Variants in GPC5 observed in about 807,000 individuals in gnomAD.
GPC5 encodes the protein glypican 5, also known as glypican-5.
In GPC5, 47 loss-of-function variants were observed where a neutral mutation model predicts 53.9. The observed-to-expected ratio is 0.87, with a 90% confidence interval of 0.69 to 1.11. The LOEUF (loss-of-function observed/expected upper bound fraction) is 1.11. GPC5 is among the 50% of genes most tolerant of loss of function. GPC5 has a pLI of 0.00. For missense variants in GPC5, 748 were observed against 713.1 expected, an observed-to-expected ratio of 1.05 and a Z score of -0.56; for synonymous variants, 286 against 263.3, an observed-to-expected ratio of 1.09 and a Z score of -0.84.
At chr13:92,303,647 A>C (rs1216543659) in intron 7 of GPC5, among the ~76,000 whole-genome samples, 1 of 152,216 alleles carries the variant, frequency 6.6e-6, no homozygotes, top group Non-Finnish European at 1.5e-5. Flanking sequence ...CTGACCAAGC[A>C]GCATTGCCCA....
intron 5 of GPC5, among the ~76,000 whole-genome samples, chr13:91,775,621 A>G (rs547627791): frequency 4.6e-5 from 7 of 152,272 alleles, no homozygotes; most frequent in Admixed American, 2.0e-4. Flanking sequence ...TTTCAGTTGG[A>G]GTTTTCTCTT....
At chr13:91,891,457 T>C (rs1201523871) in intron 5 of GPC5, among the ~76,000 whole-genome samples, 1 of 152,178 alleles carries the variant, frequency 6.6e-6, no homozygotes, top group East Asian at 1.9e-4. Context: ...TTTTCGATTG[T>C]ATCCTTCTAT....
intron 7 of GPC5, among the ~76,000 whole-genome samples, chr13:92,752,364 C>T (rs1357402805): frequency 6.6e-6 from 1 of 152,028 alleles, no homozygotes; most frequent in Non-Finnish European, 1.5e-5. Flanking sequence ...GTAAAATTAG[C>T]CTAATTTCTG....
intron 6 of GPC5, among the ~76,000 whole-genome samples, chr13:92,023,043 CTTACT>C (rs1305823506): frequency 6.6e-6 from 1 of 152,034 alleles, no homozygotes; most frequent in Non-Finnish European, 1.5e-5. Context: ...CTCTGTTTCA[CTTACT>C]TTAAACTCTC....
chr13:92,750,991 T>A (rs568394311), intron 7 of GPC5, among the ~76,000 whole-genome samples: 49 of 152,278 alleles, frequency 3.2e-4, no homozygotes, highest in Non-Finnish European at 6.5e-4. Context: ...GATTTTTATT[T>A]TCATCCATTG....
At chr13:92,731,824 A>G (rs1300239603) in intron 7 of GPC5, among the ~76,000 whole-genome samples, 1 of 151,550 alleles carries the variant, frequency 6.6e-6, no homozygotes, top group East Asian at 1.9e-4. Flanking sequence ...ACAGATTATT[A>G]ATATAAATGG....
intron 7 of GPC5, among the ~76,000 whole-genome samples, chr13:92,290,450 C>T (rs1167636977): frequency 6.6e-6 from 1 of 152,164 alleles, no homozygotes; most frequent in Non-Finnish European, 1.5e-5. Flanking sequence ...ACACTATGCA[C>T]TGCACCCTAT....
At chr13:91,991,730 G>A (rs548721108) in intron 6 of GPC5, among the ~76,000 whole-genome samples, 2 of 152,176 alleles carry the variant, frequency 1.3e-5, no homozygotes, top group East Asian at 3.9e-4. Flanking sequence ...AAATGAGCTG[G>A]ATAAAATGTT....
chr13:91,671,548 A>C (rs539943630), intron 2 of GPC5, among the ~76,000 whole-genome samples: 56 of 152,120 alleles, frequency 3.7e-4, no homozygotes, highest in African/African-American at 1.3e-3. Context: ...TTCAAGGAGA[A>C]CTACAAACCA....
chr13:92,371,820 G>C (rs576474171), intron 7 of GPC5, among the ~76,000 whole-genome samples: 12 of 152,254 alleles, frequency 7.9e-5, no homozygotes, highest in African/African-American at 2.9e-4. Context: ...ATGAGGTTTG[G>C]GTGGGGACAA....
intron 7 of GPC5, among the ~76,000 whole-genome samples, chr13:92,624,351 T>G (rs1884979876): frequency 6.6e-6 from 1 of 152,200 alleles, no homozygotes; most frequent in Admixed American, 6.5e-5. Flanking sequence ...ATTACAGGCA[T>G]GAGCCACTGC....
chr13:91,721,109 CT>C (rs1566636501), intron 3 of GPC5, among the ~76,000 whole-genome samples: 2 of 112,784 alleles, frequency 1.8e-5, no homozygotes, highest in African/African-American at 6.9e-5. Flanking sequence ...TTCTTTCTTT[CT>C]TTCTTTCTTT....
chr13:92,052,794 G>C (rs1292681213), intron 6 of GPC5, among the ~76,000 whole-genome samples: 1 of 152,176 alleles, frequency 6.6e-6, no homozygotes, highest in Non-Finnish European at 1.5e-5. Flanking sequence ...TATACAGCAA[G>C]AGATTCTCAG....
intron 2 of GPC5, among the ~76,000 whole-genome samples, chr13:91,550,952 T>C (rs557815663): frequency 1.2e-4 from 19 of 152,268 alleles, no homozygotes; most frequent in Non-Finnish European, 8.8e-5. Context: ...TTCCCAGCCA[T>C]GTGGAATTGT....
At chr13:92,053,414 T>G (rs999966029) in intron 6 of GPC5, among the ~76,000 whole-genome samples, 2 of 152,172 alleles carry the variant, frequency 1.3e-5, no homozygotes, top group Admixed American at 1.3e-4. Context: ...TTTGGGCCCA[T>G]GAAGGTACTG....
intron 7 of GPC5, among the ~76,000 whole-genome samples, chr13:92,335,075 G>C (rs79757535): frequency 1.3e-5 from 2 of 152,062 alleles, no homozygotes; most frequent in African/African-American, 4.8e-5. Flanking sequence ...TGTGGGTTGG[G>C]GGGGACTCCA....
intron 7 of GPC5, among the ~76,000 whole-genome samples, chr13:92,576,812 T>C (rs1234222234): frequency 6.6e-6 from 1 of 152,166 alleles, no homozygotes; most frequent in East Asian, 1.9e-4. Context: ...TCTGTACTTA[T>C]CTATGTCAAT....
intron 7 of GPC5, among the ~76,000 whole-genome samples, chr13:92,572,628 A>G (rs545566137): frequency 6.6e-6 from 1 of 152,304 alleles, no homozygotes; most frequent in South Asian, 2.1e-4. Context: ...CTAAGAATGA[A>G]GCTCTAATAA....
At chr13:92,541,513 T>C (rs1018830520) in intron 7 of GPC5, among the ~76,000 whole-genome samples, 1 of 151,918 alleles carries the variant, frequency 6.6e-6, no homozygotes, top group African/African-American at 2.4e-5. Context: ...CATTTGATTT[T>C]CTATTTTCTT....
Sources: gnomAD v4.1 joint callset for allele counts (sites outside exome capture counted in the v4.1 genomes callset) on GRCh38, gnomAD v4.1.1 for gene constraint, MANE v1.5 for transcripts, NCBI Gene and HGNC (gene_info 2026-07-23, HGNC 2026-07-21) for gene names.